RBPMS: variants seen among roughly 807,000 people sequenced by gnomAD.
The protein encoded by RBPMS is RNA-binding protein with multiple splicing.
A neutral mutation model predicts 26.8 loss-of-function variants in RBPMS; 7 were observed. The observed-to-expected ratio is 0.26, with a 90% CI of 0.15 to 0.49. The LOEUF (loss-of-function observed/expected upper bound fraction) is 0.49, where lower values mean the gene tolerates loss of function less well. Among genes scored for constraint, RBPMS ranks in the 20% least tolerant of loss-of-function variants. The pLI, the probability that RBPMS is intolerant of heterozygous loss-of-function variation, is 0.98. For missense variants in RBPMS, 186 were observed against 250.0 expected (o/e 0.74, Z 1.73); for synonymous variants, 96 against 93.3 (o/e 1.03, Z -0.17).
At chr8:30,416,736 G>C (rs533178524) in intron 1 of RBPMS, among the ~76,000 whole-genome samples, 1 of 151,974 alleles carries the variant, frequency 6.6e-6, no homozygotes, top group Non-Finnish European at 1.5e-5. Context: ...GCCTCCCAAA[G>C]TGCTGGGATT....
rs1815157473 is a variant in RBPMS at position 30,455,953 on chromosome 8, G to A, written c.67-18826G>A. ...TTTATTCGGGAATAAGCAATGTGTG[G>A]TATTAAGACTGAGCCAGTAGAACCC... On this transcript the variant is annotated intron_variant, in intron 1 of 8. Transcript: ENST00000397323. Among the ~76,000 whole-genome samples, 2 of 152,162 alleles carry A rather than the reference G, an allele frequency of 1.3e-5. 1 individual carries two copies. The highest frequency in any genetic ancestry group is 4.1e-4 in the South Asian group (2 of 4,828).
chr8:30,555,861 C>G, intron 6 of RBPMS: 2 of 985,012 alleles, frequency 2.0e-6, no homozygotes, highest in Non-Finnish European at 2.4e-6. Context: ...AGAGAGAACC[C>G]TCTCCTCATT....
chr8:30,493,380 C>T (rs1173639128), intron 4 of RBPMS, among the ~76,000 whole-genome samples: 5 of 152,166 alleles, frequency 3.3e-5, no homozygotes, highest in Admixed American at 3.3e-4. Context: ...ATTATCCTTA[C>T]AGTGAGACAG....
At chr8:30,440,394 CT>C (rs1048916241) in intron 1 of RBPMS, among the ~76,000 whole-genome samples, 1 of 152,222 alleles carries the variant, frequency 6.6e-6, no homozygotes, top group African/African-American at 2.4e-5. Context: ...TTCTTACTCC[CT>C]TTTTCTATGG....
intron 6 of RBPMS, among the ~76,000 whole-genome samples, chr8:30,549,829 T>C (rs1160312915): frequency 5.9e-4 from 83 of 140,458 alleles, no homozygotes; most frequent in African/African-American, 1.6e-3. Flanking sequence ...TCTCTCTCTT[T>C]TCTTTCTTTT....
At chr8:30,427,464 C>T (rs1249679366) in intron 1 of RBPMS, among the ~76,000 whole-genome samples, 2 of 152,172 alleles carry the variant, frequency 1.3e-5, no homozygotes, top group African/African-American at 2.4e-5. Context: ...TTGTTCTTTA[C>T]CTGGAATGCC....
chr8:30,440,638 G>A (rs1188720135), intron 1 of RBPMS, among the ~76,000 whole-genome samples: 1 of 152,076 alleles, frequency 6.6e-6, no homozygotes, highest in Non-Finnish European at 1.5e-5. Flanking sequence ...GTGTGCAAAC[G>A]TCTTTTTGAG....
chr8:30,475,186 A>G (rs927234105), intron 2 of RBPMS, among the ~76,000 whole-genome samples: 1 of 152,180 alleles, frequency 6.6e-6, no homozygotes, highest in African/African-American at 2.4e-5. Context: ...TATTTTTTCC[A>G]TGGCAAAACT....
intron 1 of RBPMS, among the ~76,000 whole-genome samples, chr8:30,415,590 A>G (rs1180584089): frequency 1.3e-5 from 2 of 152,188 alleles, no homozygotes; most frequent in Non-Finnish European, 2.9e-5. Context: ...ATCAATTATC[A>G]GATATCAGGT....
At chr8:30,390,735 GTTA>G (rs2150543787) in intron 1 of RBPMS, among the ~76,000 whole-genome samples, 1 of 152,120 alleles carries the variant, frequency 6.6e-6, no homozygotes, top group South Asian at 2.1e-4. Flanking sequence ...TTAACTCCTG[GTTA>G]TTATTTTTTT....
intron 1 of RBPMS, among the ~76,000 whole-genome samples, chr8:30,437,058 GAC>G (rs1465293955): frequency 6.6e-6 from 1 of 151,606 alleles, no homozygotes; most frequent in Admixed American, 6.6e-5. Context: ...GAGTAGCTGG[GAC>G]TATAGGCGCC....
intron 5 of RBPMS, among the ~76,000 whole-genome samples, chr8:30,522,804 G>A (rs10103813): frequency 0.034 from 5,179 of 152,088 alleles, 302 homozygotes; most frequent in African/African-American, 0.12. Context: ...AGGCAAAAAT[G>A]GCATGACATT....
chr8:30,414,480 G>A (rs981808880), intron 1 of RBPMS, among the ~76,000 whole-genome samples: 1 of 152,154 alleles, frequency 6.6e-6, no homozygotes, highest in Admixed American at 6.5e-5. Flanking sequence ...TCTGTGTATG[G>A]GTCAGCCAGC....
intron 5 of RBPMS, among the ~76,000 whole-genome samples, chr8:30,526,980 T>A (rs922347506): frequency 6.6e-6 from 1 of 152,182 alleles, no homozygotes; most frequent in South Asian, 2.1e-4. Flanking sequence ...GCCAGGGTGA[T>A]GATTCAGATA....
chr8:30,389,537 A>C (rs1425559979), intron 1 of RBPMS, among the ~76,000 whole-genome samples: 2 of 152,220 alleles, frequency 1.3e-5, no homozygotes, highest in Admixed American at 6.5e-5. Context: ...CTTTTCAGAA[A>C]GGAGTGACAC....
chr8:30,554,728 A>AC (rs1826706848), intron 6 of RBPMS, among the ~76,000 whole-genome samples: 1 of 152,168 alleles, frequency 6.6e-6, no homozygotes, highest in South Asian at 2.1e-4. Flanking sequence ...GAACCTGAGA[A>AC]CCACTGGTCT....
chr8:30,549,475 T>G (rs534989244), intron 6 of RBPMS: 1 of 1,590,352 alleles, frequency 6.3e-7, no homozygotes, highest in East Asian at 2.2e-5. Context: ...TCCTCTGACA[T>G]TTACCTTTTC....
rs772995332 is a variant in RBPMS, at chr8:30,558,908, G to A, written c.550G>A (p.Glu184Lys). 25 of 1,613,998 alleles carry A rather than the reference G, an allele frequency of 1.5e-5. No homozygotes were observed. Among genetic ancestry groups the A allele is most frequent in the South Asian group, 3.3e-5 (3 of 91,086 alleles). ...HAQMRWLPPS[E>K]ATSQGWKSRQ... ...TCAGATGCGCTGGCTCCCTCCCTCCGAGGCTACTTCTCAGGGCTGGAAGTC... is the reference window on the plus strand; with the variant it reads ...TCAGATGCGCTGGCTCCCTCCCTCCAAGGCTACTTCTCAGGGCTGGAAGTC... Residue 184 changes from glutamate to lysine, a missense_variant, in exon 7 of 9, where the codon GAG becomes AAG. By Grantham distance (56) the Glu-to-Lys change is moderately conservative. Around this residue, in one of 3 missense-constraint regions of RBPMS, gnomAD observed 98 missense variants for 113.6 expected, o/e 0.86. Transcript: ENST00000397323.
intron 5 of RBPMS, among the ~76,000 whole-genome samples, chr8:30,540,662 ATCT>A (rs748683875): frequency 2.5e-4 from 38 of 152,110 alleles, no homozygotes; most frequent in Non-Finnish European, 4.6e-4. Flanking sequence ...GGTCCAAGCG[ATCT>A]TCTTCCTCCT....
Sources: gnomAD v4.1 joint callset for allele counts (sites outside exome capture counted in the v4.1 genomes callset) on GRCh38, gnomAD v4.1.1 for gene constraint, gnomAD v4.1.1 regional missense constraint, MANE v1.5 for transcripts, NCBI Gene and HGNC (gene_info 2026-07-23, HGNC 2026-07-21) for gene names.